The following RFX4 variants were observed in gnomAD, a reference collection of about 807,000 sequenced individuals.
RFX4 encodes transcription factor RFX4.
A neutral mutation model predicts 95.0 loss-of-function variants in RFX4; 10 were observed. The ratio of observed to expected loss-of-function variants is 0.11; its 90% confidence interval spans 0.06 to 0.18. The LOEUF is 0.18. RFX4 is among the 10% of genes least tolerant of loss of function. The pLI is 1.00. For missense variants in RFX4, 640 were observed against 922.0 expected (o/e 0.69, Z 3.96); for synonymous variants, 321 against 340.7 (o/e 0.94, Z 0.64).
At chr12:106,664,520 T>A (rs2041135203) in intron 4 of RFX4, among the ~76,000 whole-genome samples, 2 of 151,840 alleles carry the variant, frequency 1.3e-5, no homozygotes, top group Non-Finnish European at 3.0e-5. Context: ...ATTTTATTGA[T>A]TTTCTTTATT....
chr12:106,646,767 G>T (rs1168409991), intron 3 of RFX4, among the ~76,000 whole-genome samples: 1 of 152,158 alleles, frequency 6.6e-6, no homozygotes, highest in Non-Finnish European at 1.5e-5. Context: ...ACAGCTACCT[G>T]TATTTAAAGA....
At chr12:106,642,271 A>C (rs1592886667) in intron 3 of RFX4, among the ~76,000 whole-genome samples, 1 of 150,322 alleles carries the variant, frequency 6.7e-6, no homozygotes, top group Admixed American at 6.6e-5. Context: ...CAGCCTCTCA[A>C]AGTGCTAGGA....
chr12:106,711,238 C>A (rs555314773), intron 9 of RFX4, among the ~76,000 whole-genome samples: 1 of 152,094 alleles, frequency 6.6e-6, no homozygotes, highest in African/African-American at 2.4e-5. Flanking sequence ...AATATGTACC[C>A]CAAATGTCAC....
intron 4 of RFX4, among the ~76,000 whole-genome samples, chr12:106,670,135 T>C (rs1463124015): frequency 6.6e-6 from 1 of 152,230 alleles, no homozygotes; most frequent in Non-Finnish European, 1.5e-5. Flanking sequence ...CAGTTTATTA[T>C]AGCAATATTT....
At chr12:106,702,771 G>A (rs1455825960) in intron 8 of RFX4, among the ~76,000 whole-genome samples, 1 of 151,996 alleles carries the variant, frequency 6.6e-6, no homozygotes, top group Non-Finnish European at 1.5e-5. Context: ...CTATTCCCTG[G>A]GGTCAACAGT....
At chr12:106,736,164 C>A (rs2137574470) in intron 15 of RFX4, among the ~76,000 whole-genome samples, 1 of 152,254 alleles carries the variant, frequency 6.6e-6, no homozygotes, top group Admixed American at 6.5e-5. Flanking sequence ...CAACAGAAAT[C>A]TATTTCATGC....
chr12:106,677,825 G>T (rs148326502), intron 4 of RFX4, among the ~76,000 whole-genome samples: 1 of 152,148 alleles, frequency 6.6e-6, no homozygotes, highest in African/African-American at 2.4e-5. Flanking sequence ...TAGTGCAGTA[G>T]TGGGGGTAAG....
intron 4 of RFX4, among the ~76,000 whole-genome samples, chr12:106,674,282 A>G (rs1364411732): frequency 3.3e-5 from 5 of 151,758 alleles, no homozygotes; most frequent in African/African-American, 7.3e-5. Flanking sequence ...CCACATCATC[A>G]CAGAGTCCTA....
In RFX4 at chr12:106,583,295, G is replaced by A. The variant is rs776641835; in HGVS notation, c.-26G>A. The A allele has an allele frequency of 7.0e-6, 11 of 1,565,350 alleles. No homozygotes were observed. The highest frequency in any genetic ancestry group is 1.2e-5 in the South Asian group (1 of 82,776). ...CCCCAAACATCAGGACTTTTGGGGG[G>A]CGCCTGTGCTGTCCATGGGAAGAGC... is the stretch of plus-strand genomic sequence containing the variant. On this transcript the variant is annotated 5_prime_UTR_variant, in exon 1 of 18. Transcript: ENST00000392842.
At chr12:106,642,780 C>T (rs1485038135) in intron 3 of RFX4, among the ~76,000 whole-genome samples, 1 of 152,100 alleles carries the variant, frequency 6.6e-6, no homozygotes, top group Non-Finnish European at 1.5e-5. Context: ...TCAGTGGATA[C>T]ATGTATGACA....
At chr12:106,661,822 C>G (rs2041080209) in intron 4 of RFX4, among the ~76,000 whole-genome samples, 1 of 152,126 alleles carries the variant, frequency 6.6e-6, no homozygotes, top group Admixed American at 6.5e-5. Context: ...CAGTATGTAG[C>G]CTTTTCAGAT....
chr12:106,625,518 G>A (rs570461898), intron 2 of RFX4, among the ~76,000 whole-genome samples: 10 of 152,230 alleles, frequency 6.6e-5, no homozygotes, highest in African/African-American at 2.4e-4. Flanking sequence ...TGCTTCTCAT[G>A]GCATACTCAC....
At chr12:106,685,148 C>T (rs777792244) in intron 5 of RFX4, among the ~76,000 whole-genome samples, 1 of 152,100 alleles carries the variant, frequency 6.6e-6, no homozygotes, top group African/African-American at 2.4e-5. Flanking sequence ...CGACTCTAGA[C>T]GTACTAAATA....
intron 2 of RFX4, among the ~76,000 whole-genome samples, chr12:106,613,647 A>G (rs2040009300): frequency 6.6e-6 from 1 of 152,160 alleles, no homozygotes; most frequent in Non-Finnish European, 1.5e-5. Flanking sequence ...TATAGGTGTG[A>G]GCCACCACGC....
intron 2 of RFX4, among the ~76,000 whole-genome samples, chr12:106,633,941 T>C (rs1039974078): frequency 1.3e-5 from 2 of 152,140 alleles, no homozygotes; most frequent in African/African-American, 4.8e-5. Context: ...GGTGGCCTCC[T>C]CCCAGAGTCT....
chr12:106,717,783 G>A (rs1004523291), intron 11 of RFX4, among the ~76,000 whole-genome samples: 5 of 152,204 alleles, frequency 3.3e-5, no homozygotes, highest in African/African-American at 1.2e-4. Context: ...GGAATTGAGA[G>A]AGGGTACCAA....
intron 4 of RFX4, among the ~76,000 whole-genome samples, chr12:106,659,528 G>C (rs780795358): frequency 1.2e-4 from 18 of 152,210 alleles, no homozygotes; most frequent in Non-Finnish European, 2.2e-4. Flanking sequence ...GAAGTGTCTA[G>C]CTCTGTCTAA....
intron 15 of RFX4, among the ~76,000 whole-genome samples, chr12:106,742,169 T>TTTG (rs1003532618): frequency 5.3e-5 from 8 of 152,090 alleles, no homozygotes; most frequent in East Asian, 1.9e-4. Flanking sequence ...GCTTCAGGTT[T>TTTG]TTGTTGTTGT....
At chr12:106,733,316 C>T (rs1373999220) in intron 15 of RFX4, 7 of 404,262 alleles carry the variant, frequency 1.7e-5, no homozygotes, top group East Asian at 3.9e-5. Flanking sequence ...GAGACCTTGT[C>T]TCAAAAAAAG....
Sources: allele counts gnomAD v4.1 joint callset (sites outside exome capture counted in the v4.1 genomes callset), GRCh38; gene constraint gnomAD v4.1.1; transcripts MANE v1.5; gene names NCBI Gene and HGNC (gene_info 2026-07-23, HGNC 2026-07-21).